The following SAMD5 variants were observed in gnomAD, a reference collection of about 807,000 sequenced individuals.
The protein encoded by SAMD5 is sterile alpha motif domain containing 5.
Under a neutral mutation model 11.3 loss-of-function variants are expected in SAMD5, and 13 were observed. That is an observed-to-expected ratio of 1.15 (90% CI 0.75 to 1.83). The LOEUF (loss-of-function observed/expected upper bound fraction) is 1.83. Among genes scored for constraint, SAMD5 ranks in the 40% most tolerant of loss-of-function variants. SAMD5 has a pLI of 0.00. For missense variants in SAMD5, 255 were observed against 239.1 expected (o/e 1.07, Z -0.44); for synonymous variants, 129 against 111.3 (o/e 1.16, Z -1.00).
the SAMD5 span, among the ~76,000 whole-genome samples, chr6:147,889,219 T>C: frequency 6.6e-6 from 1 of 152,244 alleles, no homozygotes. Flanking sequence ...TGTTGCTGTG[T>C]CTTCAAGTTC....
the SAMD5 span, among the ~76,000 whole-genome samples, chr6:147,775,235 ACT>A: frequency 6.6e-6 from 1 of 151,768 alleles, no homozygotes. Flanking sequence ...TCAAATCCTG[ACT>A]CTGCCATTTT....
chr6:147,621,900 G>A (rs1789974310), intron 1 of SAMD5, among the ~76,000 whole-genome samples: 1 of 152,196 alleles, frequency 6.6e-6, no homozygotes, highest in Non-Finnish European at 1.5e-5. Flanking sequence ...GAGATCAGAT[G>A]CATCTGGACT....
intron 1 of SAMD5, among the ~76,000 whole-genome samples, chr6:147,719,786 T>C (rs766757604): frequency 6.6e-6 from 1 of 152,208 alleles, no homozygotes; most frequent in Non-Finnish European, 1.5e-5. Flanking sequence ...ACCTAAAAAA[T>C]ATTGTTTTAG....
intron 1 of SAMD5, among the ~76,000 whole-genome samples, chr6:147,561,276 C>T (rs542707060): frequency 2.4e-4 from 36 of 152,290 alleles, no homozygotes; most frequent in African/African-American, 8.7e-4. Context: ...CAACCTCCAG[C>T]TCCCGGATTC....
chr6:147,589,429 AC>A (rs1296641352), intron 1 of SAMD5, among the ~76,000 whole-genome samples: 1 of 152,146 alleles, frequency 6.6e-6, no homozygotes, highest in East Asian at 1.9e-4. Flanking sequence ...TGCCACAGAG[AC>A]AAATCTAGCT....
chr6:147,859,112 C>T, the SAMD5 span, among the ~76,000 whole-genome samples: 5 of 152,118 alleles, frequency 3.3e-5, no homozygotes, highest in Non-Finnish European at 7.3e-5. Flanking sequence ...TGGGAATTGT[C>T]GAGTAAAGCA....
chr6:147,642,468 G>A (rs578159403), intron 1 of SAMD5, among the ~76,000 whole-genome samples: 2 of 152,256 alleles, frequency 1.3e-5, no homozygotes, highest in African/African-American at 4.8e-5. Context: ...TGATACCAGT[G>A]AGCAAGATGA....
intron 1 of SAMD5, among the ~76,000 whole-genome samples, chr6:147,548,527 C>T (rs1023784221): frequency 3.3e-5 from 5 of 152,194 alleles, no homozygotes; most frequent in Non-Finnish European, 7.3e-5. Flanking sequence ...GACTAACTTG[C>T]TTAGAAGTCA....
At chr6:147,571,161 CAG>C (rs1789132830), downstream of SAMD5, among the ~76,000 whole-genome samples, 1 of 152,192 alleles carries the variant, frequency 6.6e-6, no homozygotes, top group African/African-American at 2.4e-5. Flanking sequence ...CCTTATGCTT[CAG>C]GTCCTCCTTG....
the SAMD5 span, among the ~76,000 whole-genome samples, chr6:147,911,357 T>C: frequency 1.3e-5 from 2 of 152,130 alleles, no homozygotes; most frequent in African/African-American, 4.8e-5. Flanking sequence ...AAACTTTAGA[T>C]CTCCACCATA....
the SAMD5 span, among the ~76,000 whole-genome samples, chr6:147,777,884 A>G: frequency 6.6e-6 from 1 of 152,212 alleles, no homozygotes; most frequent in Non-Finnish European, 1.5e-5. Flanking sequence ...TTGTATGTAT[A>G]TAGCCCATCA....
chr6:147,601,412 A>C (rs1226527763), intron 1 of SAMD5, among the ~76,000 whole-genome samples: 2 of 151,878 alleles, frequency 1.3e-5, no homozygotes, highest in African/African-American at 4.8e-5. Context: ...TTTTATGTCT[A>C]GAACAATTTC....
At chr6:147,708,478 C>T (rs192793874) in intron 1 of SAMD5, among the ~76,000 whole-genome samples, 5 of 152,314 alleles carry the variant, frequency 3.3e-5, no homozygotes, top group Admixed American at 1.3e-4. Flanking sequence ...ACTTACCTTA[C>T]ACTCCAGTTG....
At chr6:147,724,318 C>T (rs548606449) in intron 1 of SAMD5, among the ~76,000 whole-genome samples, 1 of 152,202 alleles carries the variant, frequency 6.6e-6, no homozygotes, top group Non-Finnish European at 1.5e-5. Context: ...ATTCTCTTGG[C>T]TTAACTTTAT....
chr6:147,657,866 G>C (rs1305367763), intron 1 of SAMD5, among the ~76,000 whole-genome samples: 2 of 152,178 alleles, frequency 1.3e-5, no homozygotes, highest in African/African-American at 4.8e-5. Flanking sequence ...CCCCTTGATG[G>C]TTAGGATGTA....
At chr6:147,551,812 T>TTTTATATATATA (rs368122795) in intron 1 of SAMD5, among the ~76,000 whole-genome samples, 27 of 99,448 alleles carry the variant, frequency 2.7e-4, no homozygotes, top group Non-Finnish European at 4.2e-4. Context: ...TATATATATG[T>TTTTATATATATA]TATATATATA....
chr6:147,677,575 G>A (rs1583135596), intron 1 of SAMD5, among the ~76,000 whole-genome samples: 1 of 152,190 alleles, frequency 6.6e-6, no homozygotes, highest in East Asian at 1.9e-4. Context: ...CACAGATAAT[G>A]GGATTAAAAA....
the SAMD5 span, among the ~76,000 whole-genome samples, chr6:147,796,104 C>T: frequency 6.7e-6 from 1 of 148,678 alleles, no homozygotes; most frequent in Admixed American, 6.6e-5. Flanking sequence ...TCTTTTGTTG[C>T]CATTGCTTTT....
the SAMD5 span, among the ~76,000 whole-genome samples, chr6:147,943,057 G>A: frequency 1.3e-5 from 2 of 151,886 alleles, no homozygotes; most frequent in African/African-American, 2.4e-5. Context: ...CTGACCTCAG[G>A]TGATTCACCC....
Sources: gnomAD v4.1 joint callset for allele counts (sites outside exome capture counted in the v4.1 genomes callset) on GRCh38, gnomAD v4.1.1 for gene constraint, MANE v1.5 for transcripts, NCBI Gene and HGNC (gene_info 2026-07-23, HGNC 2026-07-21) for gene names.